Variants in CAMK1D observed in about 807,000 individuals in gnomAD.
CAMK1D encodes calcium/calmodulin-dependent protein kinase type 1D.
In CAMK1D, 9 loss-of-function variants were observed where a neutral mutation model predicts 47.7. That is an observed-to-expected ratio of 0.19 (90% CI 0.11 to 0.33). The LOEUF (loss-of-function observed/expected upper bound fraction) is 0.33, where lower values mean the gene tolerates loss of function less well. Ranked by LOEUF, CAMK1D falls within the 10% of genes least tolerant of loss-of-function variation. The pLI, the probability that CAMK1D is intolerant of heterozygous loss-of-function variation, is 1.00. For missense variants in CAMK1D, 291 were observed against 488.7 expected (o/e 0.60, Z 3.81); for synonymous variants, 184 against 184.9 (o/e 0.99, Z 0.04).
intron 1 of CAMK1D, among the ~76,000 whole-genome samples, chr10:12,484,124 C>T (rs928768049): frequency 4.6e-5 from 7 of 152,286 alleles, no homozygotes; most frequent in African/African-American, 1.2e-4. Context: ...CTTCACTGCG[C>T]GCATCCAAGT....
At chr10:12,622,714 C>A (rs943931587) in intron 2 of CAMK1D, among the ~76,000 whole-genome samples, 1 of 152,070 alleles carries the variant, frequency 6.6e-6, no homozygotes, top group African/African-American at 2.4e-5. Context: ...CAAACGCTGC[C>A]CTGGAGCGGC....
At chr10:12,651,565 T>C (rs900430885) in intron 2 of CAMK1D, among the ~76,000 whole-genome samples, 2 of 151,144 alleles carry the variant, frequency 1.3e-5, no homozygotes, top group African/African-American at 4.9e-5. Flanking sequence ...CTAATTTTTG[T>C]ATTTTTTTTT....
intron 2 of CAMK1D, among the ~76,000 whole-genome samples, chr10:12,594,011 T>C (rs939143403): frequency 1.3e-5 from 2 of 152,188 alleles, no homozygotes; most frequent in African/African-American, 2.4e-5. Flanking sequence ...ACCCCATCTC[T>C]ACTAAATACA....
chr10:12,717,493 T>G (rs574717214), intron 3 of CAMK1D, among the ~76,000 whole-genome samples: 2 of 152,230 alleles, frequency 1.3e-5, no homozygotes, highest in South Asian at 4.1e-4. Context: ...GGAAGTGGTC[T>G]TTTCTCCTTC....
chr10:12,672,277 A>AT (rs944767988), intron 3 of CAMK1D, among the ~76,000 whole-genome samples: 3 of 151,374 alleles, frequency 2.0e-5, no homozygotes, highest in East Asian at 3.9e-4. Context: ...GATGATGTTC[A>AT]TTTTTTTTAA....
intron 3 of CAMK1D, among the ~76,000 whole-genome samples, chr10:12,692,460 G>C (rs1832965548): frequency 6.6e-6 from 1 of 152,142 alleles, no homozygotes; most frequent in South Asian, 2.1e-4. Flanking sequence ...CATACAAAAA[G>C]ATGTACCTAA....
intron 2 of CAMK1D, among the ~76,000 whole-genome samples, chr10:12,614,736 G>A (rs1838730461): frequency 6.6e-6 from 1 of 152,120 alleles, no homozygotes; most frequent in South Asian, 2.1e-4. Context: ...TGGTTACTAG[G>A]GTGCACCCTC....
intron 2 of CAMK1D, among the ~76,000 whole-genome samples, chr10:12,643,810 G>C (rs1172696856): frequency 1.3e-5 from 2 of 151,818 alleles, no homozygotes; most frequent in Non-Finnish European, 2.9e-5. Context: ...CTTGAACCTG[G>C]GGGGCGGAGG....
chr10:12,573,779 C>A (rs1277489468), intron 2 of CAMK1D, among the ~76,000 whole-genome samples: 3 of 147,140 alleles, frequency 2.0e-5, no homozygotes, highest in Non-Finnish European at 4.5e-5. Context: ...CTCAGCCTCG[C>A]AAGTAGCTGG....
intron 2 of CAMK1D, among the ~76,000 whole-genome samples, chr10:12,599,465 AG>A (rs1838239745): frequency 2.0e-5 from 3 of 152,208 alleles, no homozygotes; most frequent in African/African-American, 7.2e-5. Flanking sequence ...ATCAGAGAGT[AG>A]GCAGTGCACT....
chr10:12,658,676 C>A (rs1840187170), intron 2 of CAMK1D, among the ~76,000 whole-genome samples: 1 of 152,110 alleles, frequency 6.6e-6, no homozygotes, highest in Admixed American at 6.5e-5. Context: ...CCACAGGCAG[C>A]AGAAGACACC....
chr10:12,801,287 G>C (rs1564571780), intron 6 of CAMK1D, among the ~76,000 whole-genome samples: 1 of 132,582 alleles, frequency 7.5e-6, no homozygotes, highest in Non-Finnish European at 1.6e-5. Context: ...CCATATTTCT[G>C]TCTGTGTGTG....
At chr10:12,628,364 C>T (rs1386965612) in intron 2 of CAMK1D, among the ~76,000 whole-genome samples, 3 of 152,132 alleles carry the variant, frequency 2.0e-5, no homozygotes, top group Non-Finnish European at 4.4e-5. Flanking sequence ...TTTAGCCATT[C>T]TAGTATGTAC....
chr10:12,783,057 A>G (rs945459288), intron 5 of CAMK1D, among the ~76,000 whole-genome samples: 3 of 149,800 alleles, frequency 2.0e-5, no homozygotes, highest in African/African-American at 7.4e-5. Context: ...CAGTGGTGCA[A>G]TCTTGGCTCA....
At chr10:12,703,349 G>A (rs1178523244) in intron 3 of CAMK1D, among the ~76,000 whole-genome samples, 1 of 152,162 alleles carries the variant, frequency 6.6e-6, no homozygotes, top group Non-Finnish European at 1.5e-5. Flanking sequence ...CCATTTCACC[G>A]AGTGCTGTGA....
intron 1 of CAMK1D, among the ~76,000 whole-genome samples, chr10:12,475,916 G>T (rs1271400056): frequency 6.6e-6 from 1 of 152,052 alleles, no homozygotes; most frequent in African/African-American, 2.4e-5. Context: ...GGAGGGGTGG[G>T]GAAAGTGGTG....
intron 2 of CAMK1D, among the ~76,000 whole-genome samples, chr10:12,554,911 C>T (rs558353487): frequency 1.3e-5 from 2 of 152,260 alleles, no homozygotes; most frequent in East Asian, 1.9e-4. Context: ...GTGTCCACAC[C>T]GTTCCCCACA....
chr10:12,676,044 C>T (rs1324222721), intron 3 of CAMK1D, among the ~76,000 whole-genome samples: 1 of 152,156 alleles, frequency 6.6e-6, no homozygotes, highest in Non-Finnish European at 1.5e-5. Flanking sequence ...CCTCTGCCTC[C>T]CGGGTTCAAG....
intron 3 of CAMK1D, among the ~76,000 whole-genome samples, chr10:12,696,924 A>G (rs1833320650): frequency 6.6e-6 from 1 of 152,226 alleles, no homozygotes; most frequent in Non-Finnish European, 1.5e-5. Context: ...TAGGATATTT[A>G]TCTGCCTGGA....
Sources: allele counts gnomAD v4.1 joint callset (sites outside exome capture counted in the v4.1 genomes callset), GRCh38; gene constraint gnomAD v4.1.1; transcripts MANE v1.5; gene names NCBI Gene and HGNC (gene_info 2026-07-23, HGNC 2026-07-21).